RPAP2: variants seen among roughly 807,000 people sequenced by gnomAD.
RPAP2 encodes putative RNA polymerase II subunit B1 CTD phosphatase RPAP2.
A neutral mutation model predicts 73.1 loss-of-function variants in RPAP2; 52 were observed. The ratio of observed to expected loss-of-function variants is 0.71; its 90% CI spans 0.57 to 0.90. The LOEUF is 0.90. Ranked by LOEUF, RPAP2 falls within the 40% of genes least tolerant of loss-of-function variation. RPAP2 has a pLI of 0.00. For missense variants in RPAP2, 598 were observed against 701.8 expected, an observed-to-expected ratio of 0.85 and a Z score of 1.67; for synonymous variants, 225 against 242.1, an observed-to-expected ratio of 0.93 and a Z score of 0.65.
At chr1:92,326,896 G>A (rs1403137966) in intron 8 of RPAP2, among the ~76,000 whole-genome samples, 1 of 152,242 alleles carries the variant, frequency 6.6e-6, no homozygotes, top group Non-Finnish European at 1.5e-5. Flanking sequence ...GTGAGAACAA[G>A]TAGGGCTTTC....
Position 92,388,134 on chromosome 1 carries a change from A to G in RPAP2, c.*1123A>G, listed in dbSNP as rs1200131329. On this transcript the variant is annotated 3_prime_UTR_variant, in exon 13 of 13. Transcript: ENST00000610020. ...AATCAATTGTATTTTTCTGTTCAGAAAACTCCAAAAATGAAATAAAGAAAA... is the reference window on the plus strand; with the variant it reads ...AATCAATTGTATTTTTCTGTTCAGAGAACTCCAAAAATGAAATAAAGAAAA... 1 of 152,224 alleles carries G rather than the reference A, an allele frequency of 6.6e-6. No individual in the cohort carries two copies. Among genetic ancestry groups the G allele is most frequent in the Non-Finnish European group, 1.5e-5 (1 of 68,030 alleles). 9.4% of individuals were successfully genotyped at this position (152,224 alleles called of 1,614,324 possible). A position where few individuals can be genotyped will look rare whatever the true frequency, so the allele number is the denominator to read the frequency against.
chr1:92,379,093 T>A (rs908984614), intron 11 of RPAP2, among the ~76,000 whole-genome samples: 1 of 152,224 alleles, frequency 6.6e-6, no homozygotes, highest in Non-Finnish European at 1.5e-5. Flanking sequence ...AAATTTCCCT[T>A]TTACTTCTAC....
At chr1:92,319,663 G>T (rs1335987885) in intron 6 of RPAP2, among the ~76,000 whole-genome samples, 1 of 152,152 alleles carries the variant, frequency 6.6e-6, no homozygotes, top group African/African-American at 2.4e-5. Context: ...TGCCTTTAAG[G>T]AGCTTATAGT....
chr1:92,364,724 A>G (rs1654868418), intron 11 of RPAP2, among the ~76,000 whole-genome samples: 1 of 152,058 alleles, frequency 6.6e-6, no homozygotes, highest in African/African-American at 2.4e-5. Flanking sequence ...ACTGCTACTA[A>G]CCCACATTAG....
At chr1:92,340,782 A>G (rs1653550945) in intron 10 of RPAP2, among the ~76,000 whole-genome samples, 1 of 152,144 alleles carries the variant, frequency 6.6e-6, no homozygotes, top group African/African-American at 2.4e-5. Flanking sequence ...TTGCATTACA[A>G]ATCTGCTATC....
rs2101467435 is a variant in RPAP2 at position 92,391,399 on chromosome 1, T to G, written c.*4388T>G. ...TTTAAAGCAGTATGTAGAGGGAAAT[T>G]TATAGCACTAAATGCCCACAAGTGA... is the stretch of plus-strand genomic sequence containing the variant. On this transcript the variant is annotated 3_prime_UTR_variant, in exon 13 of 13. Coordinates refer to ENST00000610020, the MANE Select transcript of RPAP2 (RefSeq NM_024813.3). 6.6e-6 allele frequency: 1 copy of G among 152,084 alleles called. No individual in the cohort carries two copies. Among genetic ancestry groups the G allele is most frequent in the South Asian group, 2.1e-4 (1 of 4,798 alleles). 9.4% of individuals were successfully genotyped at this position (152,084 alleles called of 1,614,324 possible).
In RPAP2 at chr1:92,319,240, C is replaced by A. The variant is rs144481544; in HGVS notation, c.489-1359C>A. Reference sequence around the variant, plus strand: ...TTCCTGTAGCAGCTTATACATCTCTCATGGCATTTAACACATATTGTCTTG... The same window carrying A: ...TTCCTGTAGCAGCTTATACATCTCTAATGGCATTTAACACATATTGTCTTG... On this transcript the variant is annotated intron_variant, in intron 6 of 12. Transcript: ENST00000610020. Among the ~76,000 whole-genome samples the A allele has an allele frequency of 2.5e-3, 385 of 152,298 alleles. 3 individuals carry two copies. Among genetic ancestry groups the A allele is most frequent in the South Asian group, 9.3e-3 (45 of 4,822 alleles).
Position 92,400,411 on chromosome 1 carries a change from C to G in RPAP2, c.*13400C>G, listed in dbSNP as rs1352057266. On this transcript the variant is annotated 3_prime_UTR_variant, in exon 13 of 13. Transcript: ENST00000610020. ...CATAGCTCACTATAGCCTCAGACTC[C>G]TGGCCTCAAGCGATCCTCCCACCTC... The G allele has an allele frequency of 6.6e-6, 1 of 152,408 alleles. No individual in the cohort carries two copies. Among genetic ancestry groups the G allele is most frequent in the East Asian group, 1.9e-4 (1 of 5,198 alleles). The allele number at this position is 152,408 out of a possible 1,614,324, so 9.4% of individuals were successfully genotyped here. A position where few individuals can be genotyped will look rare whatever the true frequency, so the allele number is the denominator to read the frequency against.
chr1:92,382,167 C>T (rs1162481623), intron 12 of RPAP2, among the ~76,000 whole-genome samples: 2 of 152,152 alleles, frequency 1.3e-5, no homozygotes, highest in African/African-American at 4.8e-5. Context: ...TCCAGTCTAT[C>T]ATTGTTGGAC....
At position 92,389,101 on chromosome 1, in the gene RPAP2, ACC is replaced by A. The variant is rs1476499333; in HGVS notation, c.*2094_*2095del. ...GACTGCCTCCTCAAGTGGGTCCCTG[ACC>A]CCCGTGTAGCCTGACTGGGAGACAT... On this transcript the variant is annotated 3_prime_UTR_variant, in exon 13 of 13. Coordinates refer to ENST00000610020, the MANE Select transcript of RPAP2 (RefSeq NM_024813.3). The A allele has an allele frequency of 6.6e-6, 1 of 152,262 alleles. No individual in the cohort carries two copies. Among genetic ancestry groups the A allele is most frequent in the Non-Finnish European group, 1.5e-5 (1 of 68,176 alleles). The allele number at this position is 152,262 out of a possible 1,614,324, so 9.4% of individuals were successfully genotyped here. A position where few individuals can be genotyped will look rare whatever the true frequency, so the allele number is the denominator to read the frequency against.
rs549228471 is a variant in RPAP2 at position 92,299,068 on chromosome 1, TC to T, written c.-1del. 6.9e-4 allele frequency: 1,020 copies of T among 1,488,006 alleles called. 1 individual carries two copies. Among genetic ancestry groups the T allele is most frequent in the Middle Eastern group, 3.0e-3 (14 of 4,610 alleles). 92.2% of individuals were successfully genotyped at this position (1,488,006 alleles called of 1,614,324 possible). A position where few individuals can be genotyped will look rare whatever the true frequency, so the allele number is the denominator to read the frequency against. On this transcript the variant is annotated 5_prime_UTR_variant, in exon 1 of 13. Coordinates refer to ENST00000610020, the MANE Select transcript of RPAP2 (RefSeq NM_024813.3). ...CGTGTCCCCGTCCGGCAGACTACTC[TC>T]CCCCATGGCGGACTTCGCTGGGCCG...
At chr1:92,376,626 C>T (rs1655397255) in intron 11 of RPAP2, among the ~76,000 whole-genome samples, 1 of 152,226 alleles carries the variant, frequency 6.6e-6, no homozygotes, top group African/African-American at 2.4e-5. Flanking sequence ...ATCAGCACTT[C>T]CTTCTGCCTC....
chr1:92,371,319 A>AATATATAT (rs1553155688), intron 11 of RPAP2, among the ~76,000 whole-genome samples: 7 of 61,724 alleles, frequency 1.1e-4, no homozygotes, highest in African/African-American at 5.1e-4. Context: ...AAAAAAAAAA[A>AATATATAT]ATATATATAT....
rs556353797 is a variant in RPAP2, at chr1:92,350,802, C to T, written c.1688+4888C>T. ...CAAAAATTAGCCAGGCATGGTGGGG[C>T]ATGCCTATAGTTCCAGCTACTCTGG... is the stretch of plus-strand genomic sequence containing the variant. On this transcript the variant is annotated intron_variant, in intron 11 of 12. Coordinates refer to ENST00000610020, the MANE Select transcript of RPAP2 (RefSeq NM_024813.3). Among the ~76,000 whole-genome samples, 13 of 152,096 alleles carry T rather than the reference C, an allele frequency of 8.5e-5. 1 individual carries two copies. The East Asian group carries it at 2.3e-3, about 27-fold the overall frequency.
chr1:92,310,999 A>T (rs1211374454), intron 6 of RPAP2, among the ~76,000 whole-genome samples: 1 of 152,236 alleles, frequency 6.6e-6, no homozygotes, highest in Non-Finnish European at 1.5e-5. Flanking sequence ...ATATGCATAT[A>T]ACTAAAACTA....
chr1:92,313,940 T>C (rs1651746787), intron 6 of RPAP2, among the ~76,000 whole-genome samples: 1 of 152,242 alleles, frequency 6.6e-6, no homozygotes, highest in South Asian at 2.1e-4. Context: ...CTTCTACCTA[T>C]TCTTCTGCAG....
chr1:92,309,396 C>T lies in RPAP2; in HGVS notation c.488+2120C>T, dbSNP rs554473012. Among the ~76,000 whole-genome samples the T allele has an allele frequency of 7.8e-4, 117 of 149,700 alleles. 1 individual carries two copies. The highest frequency in any genetic ancestry group is 2.3e-3 in the African/African-American group (95 of 40,584). ...GGCGGAGGTTGCAGTGAGCTGAGAT[C>T]GTGCCACTGCACTCCAGCCTGGTGA... On this transcript the variant is annotated intron_variant, in intron 6 of 12. Transcript: ENST00000610020.
At chr1:92,316,483 C>T (rs1651912299) in intron 6 of RPAP2, among the ~76,000 whole-genome samples, 1 of 152,088 alleles carries the variant, frequency 6.6e-6, no homozygotes, top group Non-Finnish European at 1.5e-5. Context: ...GTACATATAT[C>T]CACTAAGTTC....
intron 10 of RPAP2, among the ~76,000 whole-genome samples, chr1:92,344,927 TTGATTTATATAA>T (rs1313105660): frequency 6.6e-6 from 1 of 152,218 alleles, no homozygotes; most frequent in Non-Finnish European, 1.5e-5. Context: ...TATTTTCTTA[TTGATTTATATAA>T]TTTTTAAATT....
Sources: gnomAD v4.1 joint callset for allele counts (sites outside exome capture counted in the v4.1 genomes callset) on GRCh38, gnomAD v4.1.1 for gene constraint, MANE v1.5 for transcripts, NCBI Gene and HGNC (gene_info 2026-07-23, HGNC 2026-07-21) for gene names.